Variants in FRMPD2 observed in about 807,000 individuals in gnomAD.
The protein encoded by FRMPD2 is FERM and PDZ domain-containing protein 2.
A neutral mutation model predicts 140.1 loss-of-function variants in FRMPD2; 96 were observed. That is an observed-to-expected ratio of 0.69 (90% CI 0.58 to 0.81). The LOEUF (loss-of-function observed/expected upper bound fraction) is 0.81. FRMPD2 is among the 40% of genes least tolerant of loss of function. The pLI, the probability that FRMPD2 is intolerant of heterozygous loss-of-function variation, is 0.00. For synonymous variants in FRMPD2, 449 were observed against 547.6 expected (o/e 0.82, Z 2.52); for missense variants, 1,240 against 1,447.4 (o/e 0.86, Z 2.32).
intron 14 of FRMPD2, chr10:48,201,596 G>A (rs1172397026): frequency 2.2e-6 from 1 of 458,352 alleles, no homozygotes; most frequent in African/African-American, 2.0e-5. Context: ...CAATCAAATT[G>A]TTTATCAAAC....
At chr10:48,228,345 T>C (rs1839772420) in intron 10 of FRMPD2, among the ~76,000 whole-genome samples, 1 of 151,854 alleles carries the variant, frequency 6.6e-6, no homozygotes, top group African/African-American at 2.4e-5. Context: ...GTTTATAAAA[T>C]CTTTTTGGTT....
chr10:48,172,873 C>G (rs1169919688), intron 25 of FRMPD2, 73 bp downstream of exon 25: 6 of 763,288 alleles, frequency 7.9e-6, no homozygotes, highest in Non-Finnish European at 1.1e-5. Context: ...CTGCCTTTCC[C>G]TTTTGACTTG....
At chr10:48,269,567 A>G (rs1190903571) in intron 1 of FRMPD2, among the ~76,000 whole-genome samples, 1 of 152,160 alleles carries the variant, frequency 6.6e-6, no homozygotes, top group Non-Finnish European at 1.5e-5. Flanking sequence ...TTGAGGGATA[A>G]ACCTCTGGCT....
intron 10 of FRMPD2, among the ~76,000 whole-genome samples, chr10:48,231,573 T>G (rs1839847450): frequency 6.6e-6 from 1 of 152,226 alleles, no homozygotes; most frequent in South Asian, 2.1e-4. Flanking sequence ...CATCTATAGT[T>G]CACTATGGCA....
intron 4 of FRMPD2, among the ~76,000 whole-genome samples, chr10:48,243,605 G>A (rs1209087185): frequency 1.3e-5 from 2 of 152,216 alleles, no homozygotes; most frequent in African/African-American, 4.8e-5. Context: ...GAGTGCCAAA[G>A]GGGAACCAGA....
At chr10:48,218,403 A>G (rs1839503045) in intron 12 of FRMPD2, among the ~76,000 whole-genome samples, 1 of 152,184 alleles carries the variant, frequency 6.6e-6, no homozygotes, top group Non-Finnish European at 1.5e-5. Context: ...CTAAGTGCCC[A>G]CTGGTGGTGG....
intron 21 of FRMPD2, among the ~76,000 whole-genome samples, chr10:48,180,315 G>A (rs1392831245): frequency 6.6e-6 from 1 of 152,136 alleles, no homozygotes; most frequent in East Asian, 1.9e-4. Context: ...AGACGGCAGA[G>A]GACAGCAGAG....
chr10:48,211,223 A>G (rs148710329), intron 13 of FRMPD2, among the ~76,000 whole-genome samples: 1 of 152,312 alleles, frequency 6.6e-6, no homozygotes, highest in East Asian at 1.9e-4. Context: ...AGCAAAGACT[A>G]TTCATCATTG....
chr10:48,190,481 C>T (rs1838803857), intron 16 of FRMPD2, among the ~76,000 whole-genome samples: 1 of 152,176 alleles, frequency 6.6e-6, no homozygotes, highest in South Asian at 2.1e-4. Flanking sequence ...CCTGGTGACC[C>T]CTACCCCTGT....
At chr10:48,269,317 G>C (rs993779111) in intron 1 of FRMPD2, among the ~76,000 whole-genome samples, 3 of 152,198 alleles carry the variant, frequency 2.0e-5, no homozygotes, top group African/African-American at 7.2e-5. Flanking sequence ...TTGAGAACAT[G>C]TATTTGCCAA....
intron 26 of FRMPD2, among the ~76,000 whole-genome samples, chr10:48,170,366 A>G (rs1321374706): frequency 6.6e-6 from 1 of 152,158 alleles, no homozygotes; most frequent in Non-Finnish European, 1.5e-5. Flanking sequence ...ACAGCTCTCC[A>G]TTCCTGGGGT....
At chr10:48,255,418 A>G (rs2131974431) in intron 1 of FRMPD2, among the ~76,000 whole-genome samples, 1 of 152,224 alleles carries the variant, frequency 6.6e-6, no homozygotes, top group South Asian at 2.1e-4. Context: ...TCCCTCTCCC[A>G]TGTGCCATGG....
intron 28 of FRMPD2, among the ~76,000 whole-genome samples, chr10:48,159,831 C>T (rs1473704025): frequency 4.6e-5 from 7 of 151,532 alleles, no homozygotes; most frequent in African/African-American, 1.7e-4. Flanking sequence ...CTGCAAAGAC[C>T]AACTTTCCAA....
rs772165206 is a variant in FRMPD2, at chr10:48,187,202, G to A, written c.2256C>T (p.Ser752=). ...WDSLSGPPVQ[S]MHAGSKNNRR... is the part of the protein sequence containing the mutation. ...TGGCCTGGCCCATACCTGCATGCAT[G>A]CTCTGAACAGGTGGTCCAGAGAGAG... The change falls in exon 17 of 29, where the codon AGC becomes AGT. Residue 752 remains serine, a synonymous_variant. Transcript: ENST00000374201. The A allele has an allele frequency of 4.3e-6, 7 of 1,612,614 alleles. No individual in the cohort carries two copies. The highest frequency in any genetic ancestry group is 5.9e-6 in the Non-Finnish European group (7 of 1,178,690).
chr10:48,216,118 T>C (rs1232681941), intron 12 of FRMPD2, among the ~76,000 whole-genome samples: 1 of 152,178 alleles, frequency 6.6e-6, no homozygotes, highest in Non-Finnish European at 1.5e-5. Context: ...ACTGCACCAT[T>C]GGCCCTCCCG....
chr10:48,239,547 G>T, intron 7 of FRMPD2, 58 bp downstream of exon 7: 2 of 1,224,344 alleles, frequency 1.6e-6, no homozygotes, highest in Non-Finnish European at 2.4e-6. Flanking sequence ...AGGTACCATA[G>T]CCCCCACACC....
At chr10:48,192,567 G>C in intron 16 of FRMPD2, 117 bp downstream of exon 16, 1 of 922,196 alleles carries the variant, frequency 1.1e-6, no homozygotes, top group Non-Finnish European at 1.6e-6. Context: ...TCCAGCCTGG[G>C]CAACAAGAGC....
intron 27 of FRMPD2, among the ~76,000 whole-genome samples, chr10:48,164,446 C>T (rs1692348358): frequency 6.7e-6 from 1 of 150,118 alleles, no homozygotes; most frequent in Non-Finnish European, 1.5e-5. Flanking sequence ...TTTACCTTTT[C>T]CTGAAAATTA....
chr10:48,248,959 G>C, intron 3 of FRMPD2, 62 bp downstream of exon 3: 1 of 1,440,290 alleles, frequency 6.9e-7, no homozygotes, highest in South Asian at 1.4e-5. Context: ...GGAGGCTGCC[G>C]CTGGGACAGG....
Sources: gnomAD v4.1 joint callset for allele counts (sites outside exome capture counted in the v4.1 genomes callset) on GRCh38, gnomAD v4.1.1 for gene constraint, MANE v1.5 for transcripts, NCBI Gene and HGNC (gene_info 2026-07-23, HGNC 2026-07-21) for gene names.